Variants in KCNQ3 observed in about 807,000 individuals in gnomAD.
The protein encoded by KCNQ3 is potassium voltage-gated channel subfamily KQT member 3.
In KCNQ3, 30 loss-of-function variants were observed where a neutral mutation model predicts 92.5. The ratio of observed to expected loss-of-function variants is 0.32; its 90% CI spans 0.24 to 0.44. KCNQ3 has a LOEUF of 0.44. KCNQ3 is among the 20% of genes least tolerant of loss of function. The probability of loss-of-function intolerance (pLI) is 1.00; values close to 1 mark genes in which losing one functional copy is unlikely to be tolerated. For synonymous variants in KCNQ3, 450 were observed against 468.8 expected, an observed-to-expected ratio of 0.96 and a Z score of 0.52; for missense variants, 913 against 1,140.3, an observed-to-expected ratio of 0.80 and a Z score of 2.87.
At chr8:132,296,457 G>A (rs1229797710) in intron 1 of KCNQ3, among the ~76,000 whole-genome samples, 2 of 152,032 alleles carry the variant, frequency 1.3e-5, no homozygotes, top group African/African-American at 4.8e-5. Context: ...TGTTACATAT[G>A]TATACATGTG....
rs1563761301 is a variant in KCNQ3, at chr8:132,129,416, C to G, written c.2465G>C (p.Gly822Ala). The change falls in exon 15 of 15, where the codon GGG (glycine) becomes GCG (alanine). Residue 822 changes from glycine to alanine, a missense_variant. By Grantham distance (60) the Gly-to-Ala change is moderately conservative (BLOSUM62 0). Coordinates refer to ENST00000388996, the MANE Select transcript of KCNQ3 (RefSeq NM_004519.4). The surrounding 1 kb of genome is among the most constrained non-coding windows in gnomAD (Gnocchi z 5.9). The stretch of plus-strand genomic sequence containing the variant: ...CTTCTCCCTCATCCAGCTCGACCCC[C>G]CATTGGGGCCGAACACATAATCATC... The part of the protein sequence containing the change: ...DRDDYVFGPN[G>A]GSSWMREKRY... 1.9e-6 allele frequency: 3 copies of G among 1,614,218 alleles called. No homozygotes were observed. The highest frequency in any genetic ancestry group is 2.7e-5 in the African/African-American group (2 of 75,072).
chr8:132,329,923 C>A (rs1818183168), intron 1 of KCNQ3, among the ~76,000 whole-genome samples: 1 of 152,158 alleles, frequency 6.6e-6, no homozygotes. Flanking sequence ...GTATGGCAGA[C>A]CTGGGTAGTT....
At chr8:132,162,480 A>C (rs940544959) in intron 9 of KCNQ3, among the ~76,000 whole-genome samples, 5 of 152,080 alleles carry the variant, frequency 3.3e-5, no homozygotes, top group African/African-American at 4.8e-5. Context: ...TTATCTGCAG[A>C]GATCTCTGTG....
At chr8:132,294,061 C>T (rs1302704749) in intron 1 of KCNQ3, among the ~76,000 whole-genome samples, 3 of 134,374 alleles carry the variant, frequency 2.2e-5, no homozygotes, top group Non-Finnish European at 4.6e-5. Flanking sequence ...AGTGCAGTGG[C>T]GTGATCTCAG....
At chr8:132,225,009 G>A (rs1249776619) in intron 1 of KCNQ3, among the ~76,000 whole-genome samples, 2 of 152,170 alleles carry the variant, frequency 1.3e-5, no homozygotes, top group East Asian at 3.9e-4. Context: ...TTGACAGAAT[G>A]ATGCTACATT....
At chr8:132,299,790 G>GTCTCATCCAA (rs60924628) in intron 1 of KCNQ3, among the ~76,000 whole-genome samples, 1 of 151,446 alleles carries the variant, frequency 6.6e-6, no homozygotes. Flanking sequence ...CTTTTCTGAG[G>GTCTCATCCAA]GCGGTATTTT....
In KCNQ3 at chr8:132,127,408, T is replaced by C. The variant is rs747603148; in HGVS notation, c.*1854A>G. The C allele has an allele frequency of 6.6e-6, 1 of 152,232 alleles. No individual in the cohort carries two copies. The highest frequency in any genetic ancestry group is 1.5e-5 in the Non-Finnish European group (1 of 68,040). The allele number at this position is 152,232 out of a possible 1,614,324, so 9.4% of individuals were successfully genotyped here. On this transcript the variant is annotated 3_prime_UTR_variant, in exon 15 of 15. Transcript: ENST00000388996. The stretch of plus-strand genomic sequence containing the variant: ...TCAGGGGTCAAGCTCTAATCATTAC[T>C]GTATTCTGAGCTTTTTGTACAGTAA...
At chr8:132,373,940 C>A (rs1015537124) in intron 1 of KCNQ3, among the ~76,000 whole-genome samples, 5 of 152,156 alleles carry the variant, frequency 3.3e-5, no homozygotes, top group Admixed American at 2.0e-4. Context: ...CATCCACCAC[C>A]CTCCCCGAGG....
chr8:132,129,520 G>T lies in KCNQ3; in HGVS notation c.2361C>A (p.Asp787Glu). 1 of 1,614,210 alleles carries T rather than the reference G, an allele frequency of 6.2e-7. No individual in the cohort carries two copies. The highest frequency in any genetic ancestry group is 8.5e-7 in the Non-Finnish European group (1 of 1,180,048). ...RQRRSITRDS[D>E]TPLSLMSVNH... Reference sequence around the variant, plus strand: ...TGACCGACATCAGGGACAGAGGTGTGTCACTGTCTCGCGTGATGCTACGTC... The same window carrying T: ...TGACCGACATCAGGGACAGAGGTGTTTCACTGTCTCGCGTGATGCTACGTC... The change falls in exon 15 of 15, where the codon GAC becomes GAA. Residue 787 changes from aspartate to glutamate, a missense_variant. By Grantham distance (45) the Asp-to-Glu change is conservative. This residue lies in a region of KCNQ3 where 375 missense variants were observed against 376.4 expected (regional missense o/e 1.00). Coordinates refer to ENST00000388996, the MANE Select transcript of KCNQ3 (RefSeq NM_004519.4). This position sits in a 1 kb window ranked among gnomAD's most constrained non-coding sequence, Gnocchi z 5.9.
At chr8:132,291,406 A>C (rs913238956) in intron 1 of KCNQ3, among the ~76,000 whole-genome samples, 2 of 152,162 alleles carry the variant, frequency 1.3e-5, no homozygotes, top group Admixed American at 6.5e-5. Flanking sequence ...AGGCCTGCTT[A>C]TTATTGTTGT....
rs1423827080 is a variant in KCNQ3 at position 132,121,232 on chromosome 8, G to A, written c.*8030C>T. The stretch of plus-strand genomic sequence containing the variant: ...TTCATGTCACTGGGAACCTCCATTT[G>A]TTCTTCAAAGACTGGTGTTTTCCAT... On this transcript the variant is annotated 3_prime_UTR_variant, in exon 15 of 15. Transcript: ENST00000388996. 6.6e-6 allele frequency: 1 copy of A among 152,140 alleles called. No individual in the cohort carries two copies. Among genetic ancestry groups the A allele is most frequent in the African/African-American group, 2.4e-5 (1 of 41,430 alleles). 9.4% of individuals were successfully genotyped at this position (152,140 alleles called of 1,614,324 possible).
chr8:132,172,540 C>G lies in KCNQ3; in HGVS notation c.1140+58G>C. Reference sequence around the variant, plus strand: ...ACATGCACACATACACACACACACACGTATGTACATATGCATGGATCTTAA... The same window carrying G: ...ACATGCACACATACACACACACACAGGTATGTACATATGCATGGATCTTAA... On this transcript the variant is annotated intron_variant, in intron 7 of 14. Transcript: ENST00000388996. 3 of 1,417,980 alleles carry G rather than the reference C, an allele frequency of 2.1e-6. No homozygotes were observed. The South Asian group carries it at 3.4e-5, about 16-fold the overall frequency. 87.8% of individuals were successfully genotyped at this position (1,417,980 alleles called of 1,614,324 possible). A position where few individuals can be genotyped will look rare whatever the true frequency, so the allele number is the denominator to read the frequency against.
At chr8:132,366,315 C>T (rs1189673922) in intron 1 of KCNQ3, among the ~76,000 whole-genome samples, 4 of 151,866 alleles carry the variant, frequency 2.6e-5, no homozygotes, top group African/African-American at 9.7e-5. Flanking sequence ...TTGCCTTGCC[C>T]CCTTATTGAG....
intron 9 of KCNQ3, among the ~76,000 whole-genome samples, chr8:132,149,644 C>T (rs1397419671): frequency 6.6e-6 from 1 of 152,136 alleles, no homozygotes; most frequent in African/African-American, 2.4e-5. Flanking sequence ...TTTTACAATA[C>T]AATACTGGAG....
chr8:132,193,965 CTCTGGAG>C (rs923281305), intron 1 of KCNQ3, among the ~76,000 whole-genome samples: 1 of 152,174 alleles, frequency 6.6e-6, no homozygotes, highest in Non-Finnish European at 1.5e-5. Flanking sequence ...CCTTCTCTTC[CTCTGGAG>C]TCTGACATTT....
At chr8:132,249,078 G>A (rs561649192) in intron 1 of KCNQ3, among the ~76,000 whole-genome samples, 3 of 152,320 alleles carry the variant, frequency 2.0e-5, no homozygotes, top group Admixed American at 6.5e-5. Context: ...GGCCTCAGGA[G>A]TGAAGCTGCA....
At chr8:132,210,244 C>T (rs1457229973) in intron 1 of KCNQ3, among the ~76,000 whole-genome samples, 1 of 152,162 alleles carries the variant, frequency 6.6e-6, no homozygotes, top group East Asian at 1.9e-4. Flanking sequence ...AAGTCACTCT[C>T]CAGAAGGAAG....
intron 1 of KCNQ3, among the ~76,000 whole-genome samples, chr8:132,282,768 CA>C (rs1348579962): frequency 2.0e-5 from 3 of 152,166 alleles, no homozygotes; most frequent in Non-Finnish European, 4.4e-5. Context: ...ATGAAGCTAC[CA>C]AAATAGAATT....
chr8:132,405,725 C>A (rs1352570087), intron 1 of KCNQ3, among the ~76,000 whole-genome samples: 2 of 152,212 alleles, frequency 1.3e-5, no homozygotes, highest in African/African-American at 4.8e-5. Flanking sequence ...AGAGTACAAT[C>A]ATTTCTTCAT....
Sources: allele counts gnomAD v4.1 joint callset (sites outside exome capture counted in the v4.1 genomes callset), GRCh38; gene constraint gnomAD v4.1.1; regional missense constraint gnomAD v4.1.1; non-coding constraint Gnocchi (gnomAD v3.1); transcripts MANE v1.5; gene names NCBI Gene and HGNC (gene_info 2026-07-23, HGNC 2026-07-21).